The following PCID2 variants were observed in gnomAD, a reference collection of about 807,000 sequenced individuals.
PCID2 encodes PCI domain-containing protein 2.
PCID2 carries 41 observed loss-of-function variants against 61.3 expected under a neutral mutation model. The ratio of observed to expected loss-of-function variants is 0.67; its 90% CI spans 0.52 to 0.87. The LOEUF (loss-of-function observed/expected upper bound fraction) is 0.87. Among genes scored for constraint, PCID2 ranks in the 40% least tolerant of loss-of-function variants. The pLI is 0.00. For missense variants in PCID2, 392 were observed against 493.4 expected (o/e 0.79, Z 1.95); for synonymous variants, 187 against 177.8 (o/e 1.05, Z -0.41).
intron 7 of PCID2, among the ~76,000 whole-genome samples, chr13:113,190,230 T>TAAAA (rs57820999): frequency 7.7e-6 from 1 of 129,514 alleles, no homozygotes. Context: ...CAGAAGAAAT[T>TAAAA]AAAAAAAAAA....
Position 113,197,204 on chromosome 13 carries a change from T to C in PCID2, c.240A>G (p.Ala80=), listed in dbSNP as rs762817199. ...YAVGNHDFIE[A]YKCQTVIVQS... ...GGACTATCACGGTCTGGCACTTGTATGCCTCTATGAAGTCATGATTCCCCA... is the reference window on the plus strand; with the variant it reads ...GGACTATCACGGTCTGGCACTTGTACGCCTCTATGAAGTCATGATTCCCCA... Residue 80 remains alanine, a synonymous_variant, in exon 4 of 14, where the codon GCA becomes GCG. Coordinates refer to ENST00000337344, the MANE Select transcript of PCID2 (RefSeq NM_001127202.4). 2.5e-6 allele frequency: 4 copies of C among 1,614,150 alleles called. No homozygotes were observed. The highest frequency in any genetic ancestry group is 2.5e-6 in the Non-Finnish European group (3 of 1,179,956).
At position 113,179,881 on chromosome 13, in the gene PCID2, C is replaced by T. The variant is rs2037466327; in HGVS notation, c.986+36G>A. The T allele has an allele frequency of 1.9e-6, 3 of 1,596,480 alleles. No individual in the cohort carries two copies. Among genetic ancestry groups the T allele is most frequent in the African/African-American group, 2.7e-5 (2 of 74,414 alleles). On this transcript the variant is annotated intron_variant, in intron 12 of 13. Transcript: ENST00000337344. This position sits in a 1 kb window ranked among gnomAD's most constrained non-coding sequence, Gnocchi z 4.3. ...GATGTCTGACTGCTCTGCCGAGAGC[C>T]ACACTGGGAGCCCAATGTGCCGGGG...
At chr13:113,171,089 A>C in the PCID2 span, among the ~76,000 whole-genome samples, 1 of 151,790 alleles carries the variant, frequency 6.6e-6, no homozygotes, top group African/African-American at 2.4e-5. This position sits in a 1 kb window ranked among gnomAD's most constrained non-coding sequence, Gnocchi z 5.1. Flanking sequence ...TATCCCACTA[A>C]TTTTTTGTAT....
downstream of PCID2, among the ~76,000 whole-genome samples, chr13:113,174,648 C>A (rs1412051315): frequency 6.6e-6 from 1 of 152,132 alleles, no homozygotes; most frequent in Non-Finnish European, 1.5e-5. Flanking sequence ...CCATGCCCAG[C>A]TAATTTTTGT....
chr13:113,171,981 AAC>A, the PCID2 span: 14 of 1,613,252 alleles, frequency 8.7e-6, no homozygotes, highest in African/African-American at 1.3e-5. This position sits in a 1 kb window ranked among gnomAD's most constrained non-coding sequence, Gnocchi z 5.1. Context: ...GTCACCAGAG[AAC>A]ACAGAGGCTC....
the PCID2 span, among the ~76,000 whole-genome samples, chr13:113,168,760 G>C: frequency 6.6e-6 from 1 of 151,962 alleles, no homozygotes; most frequent in Non-Finnish European, 1.5e-5. Context: ...ACCGGGTCTC[G>C]CCCTATTGCC....
chr13:113,189,967 G>A (rs1474613950), intron 7 of PCID2, among the ~76,000 whole-genome samples: 1 of 151,634 alleles, frequency 6.6e-6, no homozygotes, highest in Non-Finnish European at 1.5e-5. Flanking sequence ...AGGTTGCAGT[G>A]AGCTGAGATG....
chr13:113,183,878 C>A (rs536989998), intron 9 of PCID2: 1 of 985,340 alleles, frequency 1.0e-6, no homozygotes, highest in Admixed American at 6.1e-5. Context: ...ACACACTGCA[C>A]GAGGCTGTTT....
At chr13:113,184,958 C>G (rs1266742053) in intron 8 of PCID2, among the ~76,000 whole-genome samples, 2 of 152,266 alleles carry the variant, frequency 1.3e-5, no homozygotes, top group African/African-American at 4.8e-5. Flanking sequence ...CCTGCAGGAG[C>G]CTGTGCTTAT....
At chr13:113,207,990 G>C in intron 1 of PCID2, 1 of 1,569,258 alleles carries the variant, frequency 6.4e-7, no homozygotes, top group Non-Finnish European at 8.8e-7. Context: ...ATCTTTACAA[G>C]TGTCCATCTT....
At chr13:113,176,544 T>TGTGGCC (rs1566934998), downstream of PCID2, among the ~76,000 whole-genome samples, 1,186 of 5,978 alleles carry the variant, frequency 0.2, 102 homozygotes, top group Non-Finnish European at 0.5. Flanking sequence ...GGGGAATTGC[T>TGTGGCC]TTAGCCCAGG....
chr13:113,184,699 C>T (rs1283061915), intron 8 of PCID2, among the ~76,000 whole-genome samples: 1 of 152,272 alleles, frequency 6.6e-6, no homozygotes, highest in Admixed American at 6.5e-5. Flanking sequence ...CGCAGCCCTG[C>T]AGGAGCCCAT....
chr13:113,204,926 G>A (rs904852978), intron 1 of PCID2, among the ~76,000 whole-genome samples: 3 of 152,146 alleles, frequency 2.0e-5, no homozygotes, highest in African/African-American at 7.2e-5. Context: ...CACCTTCTGA[G>A]CGGCACCCCC....
intron 1 of PCID2, among the ~76,000 whole-genome samples, chr13:113,201,534 G>A (rs908332628): frequency 2.0e-5 from 3 of 151,990 alleles, no homozygotes; most frequent in South Asian, 2.1e-4. Flanking sequence ...AAAAATTGCC[G>A]GTCACGGTGG....
At chr13:113,207,290 G>A (rs1595299334) in intron 1 of PCID2, among the ~76,000 whole-genome samples, 1 of 152,160 alleles carries the variant, frequency 6.6e-6, no homozygotes, top group African/African-American at 2.4e-5. Context: ...TATAAGCTAA[G>A]TTGTATGTTT....
chr13:113,168,124 G>A, the PCID2 span, among the ~76,000 whole-genome samples: 5 of 152,174 alleles, frequency 3.3e-5, no homozygotes, highest in Non-Finnish European at 4.4e-5. Flanking sequence ...TGTTATAAAT[G>A]CCACTCTATA....
chr13:113,187,086 C>CTCTCAAG (rs1566953589), intron 7 of PCID2: 1 of 152,178 alleles, frequency 6.6e-6, no homozygotes, highest in Admixed American at 6.5e-5. Flanking sequence ...AAACAAAAGT[C>CTCTCAAG]TCTCAAGGTC....
intron 9 of PCID2, chr13:113,183,896 A>C: frequency 1.0e-6 from 1 of 985,462 alleles, no homozygotes; most frequent in Non-Finnish European, 1.2e-6. Context: ...TTTAAACGAG[A>C]GCTTTGACAC....
intron 7 of PCID2, among the ~76,000 whole-genome samples, chr13:113,189,039 G>A (rs568212202): frequency 1.3e-4 from 20 of 152,048 alleles, no homozygotes; most frequent in Non-Finnish European, 2.2e-4. Context: ...GGGTCATGGG[G>A]GTGGACCCCT....
Sources: gnomAD v4.1 joint callset for allele counts (sites outside exome capture counted in the v4.1 genomes callset) on GRCh38, gnomAD v4.1.1 for gene constraint, Gnocchi (gnomAD v3.1) non-coding constraint, MANE v1.5 for transcripts, NCBI Gene and HGNC (gene_info 2026-07-23, HGNC 2026-07-21) for gene names.